The following NAE1 variants were observed in gnomAD, a reference collection of about 807,000 sequenced individuals.
The protein encoded by NAE1 is NEDD8 activating enzyme E1 subunit 1, also known as NEDD8-activating enzyme E1 regulatory subunit.
A neutral mutation model predicts 88.0 loss-of-function variants in NAE1; 59 were observed. The observed-to-expected ratio is 0.67, with a 90% CI of 0.54 to 0.83. The LOEUF (loss-of-function observed/expected upper bound fraction) is 0.83, where lower values mean the gene tolerates loss of function less well. Ranked by LOEUF, NAE1 falls within the 40% of genes least tolerant of loss-of-function variation. The pLI is 0.00. For missense variants in NAE1, 554 were observed against 632.8 expected, an observed-to-expected ratio of 0.88 and a Z score of 1.34; for synonymous variants, 186 against 208.9, an observed-to-expected ratio of 0.89 and a Z score of 0.95.
At chr16:66,808,845 C>T (rs959076658) in intron 16 of NAE1, 144 bp downstream of exon 16, 7 of 616,428 alleles carry the variant, frequency 1.1e-5, no homozygotes, top group Non-Finnish European at 1.9e-5. Flanking sequence ...ATTATAATTA[C>T]CTAGATAAGC....
At chr16:66,812,510 GTTCT>G (rs1301438096) in intron 13 of NAE1, among the ~76,000 whole-genome samples, 4 of 135,610 alleles carry the variant, frequency 2.9e-5, no homozygotes, top group Non-Finnish European at 6.4e-5. Flanking sequence ...TGCCCCCTAA[GTTCT>G]TTTTTTTTTT....
chr16:66,823,504 CAT>C (rs1567496053), intron 5 of NAE1, 23 bp downstream of exon 5: 4 of 1,575,132 alleles, frequency 2.5e-6, no homozygotes, highest in Non-Finnish European at 2.6e-6. Context: ...TCAGCACAGA[CAT>C]AATAATGTGT....
At chr16:66,813,495 G>A in intron 13 of NAE1, 69 bp downstream of exon 13, 1 of 1,485,702 alleles carries the variant, frequency 6.7e-7, no homozygotes, top group Non-Finnish European at 9.1e-7. Flanking sequence ...TTTCTGACAG[G>A]ATGATAAAAT....
Position 66,818,534 on chromosome 16 carries a change from T to G in NAE1, c.615A>C (p.Glu205Asp). The change falls in exon 8 of 20, where the codon GAA becomes GAC. Residue 205 changes from glutamate to aspartate, a missense_variant. By Grantham distance (45) the Glu-to-Asp change is conservative. Transcript: ENST00000290810. ...HFQSYDLDHM[E>D]KKDHSHTPWI... is the part of the protein sequence containing the mutation. The stretch of plus-strand genomic sequence containing the variant: ...GGTCACACACACTACCAACCTTTTT[T>G]TCCATATGATCCAAATCATAGGACT... 1 of 1,608,688 alleles carries G rather than the reference T, an allele frequency of 6.2e-7. No individual in the cohort carries two copies.
In NAE1 at chr16:66,826,784, C is replaced by G; in HGVS notation, c.54-4G>C. 6.3e-7 allele frequency: 1 copy of G among 1,582,974 alleles called. No homozygotes were observed. Among genetic ancestry groups the G allele is most frequent in the Non-Finnish European group, 8.5e-7 (1 of 1,169,850 alleles). ...TTGCCCATGATCACCCCACAACCTA[C>G]AAAACAGACACAAATTTGATGTTTT... On this transcript the variant is annotated splice_region_variant and splice_polypyrimidine_tract_variant and intron_variant, in intron 1 of 19. Transcript: ENST00000290810.
intron 7 of NAE1, among the ~76,000 whole-genome samples, chr16:66,819,130 A>G (rs1289095744): frequency 6.6e-6 from 1 of 152,232 alleles, no homozygotes. Context: ...AGTCAACTAT[A>G]AAGTTTTAGT....
chr16:66,808,962 C>A (rs188799582), intron 16 of NAE1, 27 bp downstream of exon 16: 1 of 1,444,346 alleles, frequency 6.9e-7, no homozygotes, highest in Non-Finnish European at 9.5e-7. Context: ...TAAAATTAAC[C>A]CAGAATCAGA....
Position 66,802,907 on chromosome 16 carries a change from A to G in NAE1, c.*102T>C. Reference sequence around the variant, plus strand: ...AAATGAGAAAAATGTTTATTAAGAAAACAATTTAGCAGCTCTCCTTTAGAA... The same window carrying G: ...AAATGAGAAAAATGTTTATTAAGAAGACAATTTAGCAGCTCTCCTTTAGAA... On this transcript the variant is annotated 3_prime_UTR_variant, in exon 20 of 20. Coordinates refer to ENST00000290810, the MANE Select transcript of NAE1 (RefSeq NM_003905.4). 8.2e-6 allele frequency: 6 copies of G among 727,390 alleles called. No individual in the cohort carries two copies. In the South Asian group the frequency reaches 9.8e-5, roughly 12 times the overall value. 45.1% of individuals were successfully genotyped at this position (727,390 alleles called of 1,614,324 possible).
chr16:66,823,218 A>G lies in NAE1; in HGVS notation c.401+9T>C. 2 of 1,529,188 alleles carry G rather than the reference A, an allele frequency of 1.3e-6. No homozygotes were observed. Among genetic ancestry groups the G allele is most frequent in the African/African-American group, 1.4e-5 (1 of 71,932 alleles). The allele number at this position is 1,529,188 out of a possible 1,614,324, so 94.7% of individuals were successfully genotyped here. On this transcript the variant is annotated intron_variant, in intron 6 of 19. Coordinates refer to ENST00000290810, the MANE Select transcript of NAE1 (RefSeq NM_003905.4). ...ATTAAAATAAAAACATATTAACATAAAAATTTACCTTTCAGGAAGCTGAGT... is the reference window on the plus strand; with the variant it reads ...ATTAAAATAAAAACATATTAACATAGAAATTTACCTTTCAGGAAGCTGAGT...
chr16:66,805,157 C>G (rs1410827228), intron 19 of NAE1, among the ~76,000 whole-genome samples: 1 of 152,062 alleles, frequency 6.6e-6, no homozygotes, highest in Non-Finnish European at 1.5e-5. Context: ...AGCAGGAAAT[C>G]AAAGGGCATC....
chr16:66,826,291 ACTC>A, intron 3 of NAE1: 1 of 525,946 alleles, frequency 1.9e-6, no homozygotes, highest in African/African-American at 1.9e-5. Context: ...AATAACGACT[ACTC>A]CTTTGTATTA....
intron 17 of NAE1, among the ~76,000 whole-genome samples, chr16:66,806,517 C>T (rs533611543): frequency 6.6e-6 from 1 of 151,912 alleles, no homozygotes; most frequent in African/African-American, 2.4e-5. Flanking sequence ...CTCTGCCTGC[C>T]GGGTTCAAAT....
chr16:66,823,661 C>A, intron 4 of NAE1, 61 bp from the exon 5 acceptor site: 1 of 1,333,206 alleles, frequency 7.5e-7, no homozygotes, highest in South Asian at 1.4e-5. Flanking sequence ...TATAATCCCC[C>A]AATTTATGGA....
intron 9 of NAE1, 117 bp downstream of exon 9, chr16:66,817,308 C>A: frequency 1.1e-6 from 1 of 905,436 alleles, no homozygotes; most frequent in South Asian, 1.5e-5. Context: ...ATCCATTTGC[C>A]CTACCATACA....
At chr16:66,819,933 C>A (rs1206902361) in intron 7 of NAE1, among the ~76,000 whole-genome samples, 1 of 152,188 alleles carries the variant, frequency 6.6e-6, no homozygotes, top group Non-Finnish European at 1.5e-5. Flanking sequence ...AAATTTCTAA[C>A]AGCAATCACT....
chr16:66,814,044 C>T (rs557457049), intron 11 of NAE1, among the ~76,000 whole-genome samples, 198 bp from the exon 12 acceptor site: 5 of 152,222 alleles, frequency 3.3e-5, no homozygotes, highest in East Asian at 1.9e-4. Context: ...AAGACCTCTC[C>T]GGCCCACTGT....
intron 19 of NAE1, among the ~76,000 whole-genome samples, chr16:66,803,603 T>G (rs1959441531): frequency 6.6e-6 from 1 of 152,000 alleles, no homozygotes; most frequent in Non-Finnish European, 1.5e-5. Flanking sequence ...ATTTTTTTTT[T>G]TTTTTAGACT....
intron 16 of NAE1, 62 bp from the exon 17 acceptor site, chr16:66,808,675 G>A (rs1240909364): frequency 8.3e-7 from 1 of 1,203,560 alleles, no homozygotes; most frequent in Non-Finnish European, 1.2e-6. Context: ...ACAATGAAGG[G>A]CTGAATTTAC....
chr16:66,809,113 G>T, intron 15 of NAE1, 38 bp from the exon 16 acceptor site: 1 of 1,476,742 alleles, frequency 6.8e-7, no homozygotes, highest in South Asian at 1.2e-5. Flanking sequence ...TAATGACTGT[G>T]ACTGGTGAAT....
Sources: allele counts gnomAD v4.1 joint callset (sites outside exome capture counted in the v4.1 genomes callset), GRCh38; gene constraint gnomAD v4.1.1; transcripts MANE v1.5; gene names NCBI Gene and HGNC (gene_info 2026-07-23, HGNC 2026-07-21).